SYNRG: variants seen among roughly 807,000 people sequenced by gnomAD.
SYNRG encodes the protein synergin gamma, also known as AP1 gamma subunit binding protein 1.
A neutral mutation model predicts 130.9 loss-of-function variants in SYNRG; 37 were observed. The observed-to-expected ratio is 0.28, with a 90% confidence interval of 0.22 to 0.37. SYNRG has a LOEUF of 0.37. Among genes scored for constraint, SYNRG ranks in the 10% least tolerant of loss-of-function variants. The pLI, the probability that SYNRG is intolerant of heterozygous loss-of-function variation, is 1.00. For synonymous variants in SYNRG, 539 were observed against 568.1 expected, an observed-to-expected ratio of 0.95 and a Z score of 0.73; for missense variants, 1,338 against 1,588.9, an observed-to-expected ratio of 0.84 and a Z score of 2.68.
intron 13 of SYNRG, among the ~76,000 whole-genome samples, chr17:37,558,274 T>A (rs904072011): frequency 7.2e-5 from 11 of 152,178 alleles, no homozygotes; most frequent in Non-Finnish European, 1.5e-4. Flanking sequence ...GTTTCTACCA[T>A]ACCTACCTAC....
chr17:37,541,400 G>C (rs1024739391), intron 15 of SYNRG: 3 of 285,610 alleles, frequency 1.1e-5, no homozygotes, highest in Admixed American at 6.4e-5. Flanking sequence ...CCACCTACAG[G>C]GAGTGGTGCT....
At chr17:37,547,880 C>A (rs190750657) in intron 14 of SYNRG, among the ~76,000 whole-genome samples, 110 of 152,290 alleles carry the variant, frequency 7.2e-4, no homozygotes, top group Non-Finnish European at 1.4e-3. Context: ...GAAGCACTAA[C>A]CATATGTTAC....
chr17:37,552,862 A>G (rs1855269319), intron 14 of SYNRG, among the ~76,000 whole-genome samples: 1 of 152,244 alleles, frequency 6.6e-6, no homozygotes, highest in African/African-American at 2.4e-5. Flanking sequence ...CTCTAACACC[A>G]AGCTGGTGCT....
At chr17:37,609,135 C>A (rs2064148009) in intron 1 of SYNRG, 144 bp downstream of exon 1, 1 of 1,000,990 alleles carries the variant, frequency 1.0e-6, no homozygotes, top group Non-Finnish European at 1.3e-6. Flanking sequence ...CCCCTTTCGG[C>A]CTGGGTCCCT....
intron 13 of SYNRG, among the ~76,000 whole-genome samples, chr17:37,560,614 C>A (rs1029813106): frequency 2.6e-5 from 4 of 151,562 alleles, no homozygotes; most frequent in Non-Finnish European, 5.9e-5. Flanking sequence ...GCTGGGAATA[C>A]AGGTGTGAGC....
At chr17:37,545,513 T>C (rs2058206778) in intron 14 of SYNRG, among the ~76,000 whole-genome samples, 1 of 152,206 alleles carries the variant, frequency 6.6e-6, no homozygotes, top group Admixed American at 6.5e-5. Context: ...TGTGCAATTA[T>C]GCAACAAGAA....
Position 37,540,496 on chromosome 17 carries a change from A to T in SYNRG, c.3250T>A (p.Ser1084Thr). Residue 1084 changes from serine (S) to threonine (T), a missense_variant, in exon 16 of 22, where the codon TCT becomes ACT. Ser to Thr is a moderately conservative substitution (Grantham distance 58). Coordinates refer to ENST00000612223, the MANE Select transcript of SYNRG (RefSeq NM_007247.6). ...TGCTCCAAAGCTGGAGAAGGAGAAG[A>T]ACGGCTTATTTCTTTATCACCAAGG... ...LSLGDKEISR[S>T]SPSPALEQPF... 6.2e-7 allele frequency: 1 copy of T among 1,614,078 alleles called. No homozygotes were observed. Among genetic ancestry groups the T allele is most frequent in the Non-Finnish European group, 8.5e-7 (1 of 1,180,008 alleles).
chr17:37,553,326 A>C lies in SYNRG; in HGVS notation c.2397T>G (p.Ala799=), dbSNP rs1482715782. The C allele has an allele frequency of 6.2e-7, 1 of 1,614,130 alleles. No individual in the cohort carries two copies. Among genetic ancestry groups the C allele is most frequent in the Non-Finnish European group, 8.5e-7 (1 of 1,180,052 alleles). Reference sequence around the variant, plus strand: ...CAGAGTCTTCTTTGGTGTGTCTGAAAGCCACTGCTTTCTCTCCCAGGGATT... The same window carrying C: ...CAGAGTCTTCTTTGGTGTGTCTGAACGCCACTGCTTTCTCTCCCAGGGATT... ...SDKSLGEKAV[A]FRHTKEDSAS... The change falls in exon 14 of 22, where the codon GCT becomes GCG. Residue 799 remains alanine (A), a synonymous_variant. Transcript: ENST00000612223.
intron 18 of SYNRG, chr17:37,537,179 T>G (rs1336591959): frequency 6.6e-6 from 1 of 152,358 alleles, no homozygotes; most frequent in African/African-American, 2.4e-5. Context: ...AGGCAGAGAC[T>G]ACATCCCTTC....
At chr17:37,533,150 A>G (rs2056813103) in intron 19 of SYNRG, among the ~76,000 whole-genome samples, 1 of 152,176 alleles carries the variant, frequency 6.6e-6, no homozygotes, top group African/African-American at 2.4e-5. Context: ...CTATAATCCC[A>G]ACACTTTTGG....
intron 2 of SYNRG, among the ~76,000 whole-genome samples, chr17:37,596,573 T>A (rs982914766): frequency 6.6e-6 from 1 of 152,156 alleles, no homozygotes; most frequent in Non-Finnish European, 1.5e-5. Flanking sequence ...TAATATCTCT[T>A]CTATGGAATT....
chr17:37,561,260 A>G lies in SYNRG; in HGVS notation c.1601-3T>C. Reference sequence around the variant, plus strand: ...AGCACTATATTTATCACCAGGATCTATGATAGAAAGGACAGAAGCTCAGTT... The same window carrying G: ...AGCACTATATTTATCACCAGGATCTGTGATAGAAAGGACAGAAGCTCAGTT... On this transcript the variant is annotated splice_polypyrimidine_tract_variant and splice_region_variant and intron_variant, in intron 12 of 21. Coordinates refer to ENST00000612223, the MANE Select transcript of SYNRG (RefSeq NM_007247.6). 6.2e-7 allele frequency: 1 copy of G among 1,613,306 alleles called. No homozygotes were observed. The highest frequency in any genetic ancestry group is 8.5e-7 in the Non-Finnish European group (1 of 1,179,728).
intron 19 of SYNRG, among the ~76,000 whole-genome samples, chr17:37,528,164 G>C (rs764122212): frequency 6.6e-6 from 1 of 152,200 alleles, no homozygotes; most frequent in East Asian, 1.9e-4. Context: ...TTCTTCACCT[G>C]TAAAACTGAA....
intron 4 of SYNRG, 23 bp downstream of exon 4, chr17:37,586,396 C>T (rs1242654319): frequency 1.2e-6 from 2 of 1,613,258 alleles, no homozygotes; most frequent in South Asian, 1.1e-5. Context: ...CTTTGTTATC[C>T]TTTAATTCTG....
chr17:37,524,919 G>T (rs2055642761), intron 19 of SYNRG, among the ~76,000 whole-genome samples: 1 of 152,154 alleles, frequency 6.6e-6, no homozygotes, highest in Non-Finnish European at 1.5e-5. Flanking sequence ...TAGAATCTGG[G>T]AAAACTCTGA....
chr17:37,550,688 A>C (rs562952852), intron 14 of SYNRG, among the ~76,000 whole-genome samples: 1 of 124,870 alleles, frequency 8.0e-6, no homozygotes, highest in East Asian at 3.0e-4. Flanking sequence ...AAGACATCAG[A>C]AAAGCAGCCA....
chr17:37,564,791 G>C (rs1463861917), intron 11 of SYNRG, among the ~76,000 whole-genome samples: 1 of 152,324 alleles, frequency 6.6e-6, no homozygotes, highest in East Asian at 1.9e-4. Context: ...CTAATCCTAA[G>C]AGAACGTTAT....
chr17:37,573,722 CATT>C (rs1373807203), intron 8 of SYNRG, among the ~76,000 whole-genome samples: 1 of 151,968 alleles, frequency 6.6e-6, no homozygotes, highest in African/African-American at 2.4e-5. Context: ...AACTATAAAA[CATT>C]AATGCAATAA....
intron 5 of SYNRG, 127 bp downstream of exon 5, chr17:37,585,198 A>T (rs2061603237): frequency 1.3e-6 from 1 of 745,736 alleles, no homozygotes; most frequent in South Asian, 1.9e-5. Flanking sequence ...AGGTAAACCA[A>T]AATGAGAAGA....
Sources: gnomAD v4.1 joint callset for allele counts (sites outside exome capture counted in the v4.1 genomes callset) on GRCh38, gnomAD v4.1.1 for gene constraint, MANE v1.5 for transcripts, NCBI Gene and HGNC (gene_info 2026-07-23, HGNC 2026-07-21) for gene names.